Variants in SLC5A4 observed in about 807,000 individuals in gnomAD.
SLC5A4 encodes solute carrier family 5 member 4, also known as probable glucose sensor protein SLC5A4.
In SLC5A4, 55 loss-of-function variants were observed where a neutral mutation model predicts 70.3. That is an observed-to-expected ratio of 0.78 (90% CI 0.63 to 0.98). SLC5A4 has a LOEUF of 0.98. Among genes scored for constraint, SLC5A4 ranks in the 50% least tolerant of loss-of-function variants. The pLI, the probability that SLC5A4 is intolerant of heterozygous loss-of-function variation, is 0.00. For missense variants in SLC5A4, 735 were observed against 839.2 expected (o/e 0.88, Z 1.53); for synonymous variants, 268 against 305.7 (o/e 0.88, Z 1.29).
intron 6 of SLC5A4, among the ~76,000 whole-genome samples, chr22:32,238,565 T>A (rs941790644): frequency 6.6e-6 from 1 of 152,134 alleles, no homozygotes; most frequent in Non-Finnish European, 1.5e-5. Flanking sequence ...CCAGTTCTCC[T>A]CTCCCAACTG....
At chr22:32,283,056 G>A in the SLC5A4 span, among the ~76,000 whole-genome samples, 135 of 152,166 alleles carry the variant, frequency 8.9e-4, no homozygotes, top group African/African-American at 2.6e-3. Context: ...GCAAGCCAGC[G>A]TCCCTCCTGG....
At chr22:32,330,859 AGGTGTTGGAGGGTC>A in the SLC5A4 span, among the ~76,000 whole-genome samples, 1 of 41,850 alleles carries the variant, frequency 2.4e-5, no homozygotes. Context: ...TCTGGTGTGT[AGGTGTTGGAGGGTC>A]TGCTGTGTAG....
At chr22:32,339,963 C>T in the SLC5A4 span, among the ~76,000 whole-genome samples, 86,747 of 152,114 alleles carry the variant, frequency 0.57, 26,212 homozygotes, top group African/African-American at 0.8. Context: ...CCCACAACCA[C>T]AGGGCAGCTA....
the SLC5A4 span, among the ~76,000 whole-genome samples, chr22:32,300,036 G>A: frequency 3.9e-4 from 57 of 144,520 alleles, 2 homozygotes; most frequent in Non-Finnish European, 6.5e-4. Context: ...CTGCATGCTG[G>A]GAGAACCACT....
At chr22:32,276,919 T>A in the SLC5A4 span, 3 of 152,182 alleles carry the variant, frequency 2.0e-5, no homozygotes, top group African/African-American at 4.8e-5. Flanking sequence ...ATTCTAGGTA[T>A]AAATTTTCAC....
the SLC5A4 span, among the ~76,000 whole-genome samples, chr22:32,293,262 A>G: frequency 6.6e-6 from 1 of 152,110 alleles, no homozygotes; most frequent in African/African-American, 2.4e-5. Flanking sequence ...TAAATGGTGC[A>G]TTTCATTCAC....
chr22:32,237,515 C>T (rs923270600), intron 6 of SLC5A4, among the ~76,000 whole-genome samples, 191 bp from the exon 7 acceptor site: 1 of 152,182 alleles, frequency 6.6e-6, no homozygotes, highest in African/African-American at 2.4e-5. Flanking sequence ...CTTCCCTTGC[C>T]TTGCCCTGAT....
chr22:32,338,944 G>A, the SLC5A4 span, among the ~76,000 whole-genome samples: 1 of 152,132 alleles, frequency 6.6e-6, no homozygotes, highest in South Asian at 2.1e-4. Context: ...CAGGAGAGCT[G>A]GGATTGGTGT....
At chr22:32,324,689 C>T in the SLC5A4 span, among the ~76,000 whole-genome samples, 2 of 152,158 alleles carry the variant, frequency 1.3e-5, no homozygotes, top group Non-Finnish European at 1.5e-5. Flanking sequence ...CAGACAAGCC[C>T]GGGTTCAGGT....
chr22:32,308,957 CCTAG>C, the SLC5A4 span, among the ~76,000 whole-genome samples: 2 of 152,096 alleles, frequency 1.3e-5, no homozygotes, highest in Non-Finnish European at 2.9e-5. Context: ...TACCTACCTA[CCTAG>C]ACAGTCTCAC....
the SLC5A4 span, among the ~76,000 whole-genome samples, chr22:32,299,517 A>G: frequency 9.5e-6 from 1 of 105,026 alleles, no homozygotes; most frequent in Non-Finnish European, 2.1e-5. Context: ...AGCTCCTTTA[A>G]GCACTTCTCT....
the SLC5A4 span, among the ~76,000 whole-genome samples, chr22:32,309,600 G>A: frequency 5.3e-5 from 8 of 152,236 alleles, no homozygotes; most frequent in Non-Finnish European, 1.0e-4. Context: ...TTATCACAAT[G>A]ACCTGGGGAC....
chr22:32,330,321 TGTGTTGGGGGGCTCTG>T, the SLC5A4 span, among the ~76,000 whole-genome samples: 1 of 27,378 alleles, frequency 3.7e-5, no homozygotes, highest in Non-Finnish European at 6.5e-5. Context: ...CTCTGGTGTG[TGTGTTGGGGGGCTCTG>T]GTGTATATGT....
chr22:32,271,323 G>A, the SLC5A4 span: 1 of 738,534 alleles, frequency 1.4e-6, no homozygotes, highest in Non-Finnish European at 2.4e-6. Flanking sequence ...TGTGCCAGGA[G>A]GAGCTGCCTC....
the SLC5A4 span, among the ~76,000 whole-genome samples, chr22:32,318,975 G>A: frequency 6.6e-6 from 1 of 152,220 alleles, no homozygotes; most frequent in African/African-American, 2.4e-5. Context: ...AGAGGAACAT[G>A]TGACCTGGCA....
chr22:32,307,910 C>A, the SLC5A4 span, among the ~76,000 whole-genome samples: 1 of 148,826 alleles, frequency 6.7e-6, no homozygotes, highest in Non-Finnish European at 1.5e-5. Context: ...GATTAAGAAT[C>A]CCTGCAGTTT....
the SLC5A4 span, among the ~76,000 whole-genome samples, chr22:32,325,507 G>A: frequency 3.9e-5 from 6 of 152,206 alleles, no homozygotes; most frequent in Non-Finnish European, 5.9e-5. Context: ...TGGCTGTCGC[G>A]GCACAAGATG....
the SLC5A4 span, among the ~76,000 whole-genome samples, chr22:32,297,204 A>T: frequency 0.33 from 49,536 of 149,564 alleles, 8,294 homozygotes; most frequent in Admixed American, 0.42. Flanking sequence ...TTTTCTATTG[A>T]TTGGAATAGT....
At chr22:32,335,844 G>A in the SLC5A4 span, among the ~76,000 whole-genome samples, 3 of 152,306 alleles carry the variant, frequency 2.0e-5, no homozygotes, top group African/African-American at 7.2e-5. Context: ...GAAGCTACAG[G>A]AAGTCCGATC....
Sources: allele counts gnomAD v4.1 joint callset (sites outside exome capture counted in the v4.1 genomes callset), GRCh38; gene constraint gnomAD v4.1.1; transcripts MANE v1.5; gene names NCBI Gene and HGNC (gene_info 2026-07-23, HGNC 2026-07-21).